Variants in MPP7 observed in about 807,000 individuals in gnomAD.
The protein encoded by MPP7 is MAGUK p55 scaffold protein 7.
In MPP7, 60 loss-of-function variants were observed where a neutral mutation model predicts 76.5. That is an observed-to-expected ratio of 0.78 (90% confidence interval 0.64 to 0.97). MPP7 has a LOEUF of 0.97. MPP7 is among the 50% of genes least tolerant of loss of function. The probability of loss-of-function intolerance (pLI) is 0.00; values close to 1 mark genes in which losing one functional copy is unlikely to be tolerated. For synonymous variants in MPP7, 237 were observed against 244.5 expected, an observed-to-expected ratio of 0.97 and a Z score of 0.29; for missense variants, 641 against 694.0, an observed-to-expected ratio of 0.92 and a Z score of 0.86.
intron 13 of MPP7, among the ~76,000 whole-genome samples, chr10:28,064,332 A>G (rs891569953): frequency 1.3e-5 from 2 of 152,228 alleles, no homozygotes; most frequent in Non-Finnish European, 2.9e-5. Context: ...TGCTGAGTGG[A>G]AAAAGTCTGG....
chr10:28,329,597 C>T (rs1834452955), intron 2 of MPP7, among the ~76,000 whole-genome samples: 1 of 139,764 alleles, frequency 7.2e-6, no homozygotes, highest in South Asian at 2.4e-4. Flanking sequence ...CGCCACTGCA[C>T]TCCAGCCTGG....
At chr10:28,296,793 G>A (rs749573979) in intron 1 of MPP7, among the ~76,000 whole-genome samples, 102 of 152,134 alleles carry the variant, frequency 6.7e-4, no homozygotes, top group Non-Finnish European at 1.2e-3. Context: ...GGGTTTTTTT[G>A]TTTTTGTTTT....
chr10:28,158,399 T>C (rs1303858515), intron 3 of MPP7, among the ~76,000 whole-genome samples: 1 of 152,058 alleles, frequency 6.6e-6, no homozygotes, highest in Non-Finnish European at 1.5e-5. Context: ...GGAAATTGTC[T>C]TACGGAAATA....
At chr10:28,232,312 C>CCA (rs1235508819) in intron 2 of MPP7, among the ~76,000 whole-genome samples, 3 of 151,958 alleles carry the variant, frequency 2.0e-5, no homozygotes, top group African/African-American at 7.3e-5. Flanking sequence ...TACAACTGCA[C>CCA]CACTGTACTC....
intron 11 of MPP7, among the ~76,000 whole-genome samples, chr10:28,102,209 T>C (rs1564631244): frequency 6.6e-6 from 1 of 152,154 alleles, no homozygotes; most frequent in East Asian, 1.9e-4. Context: ...GTGGCATCAT[T>C]GTAGATCACT....
chr10:28,103,983 G>C (rs568751797), intron 11 of MPP7, among the ~76,000 whole-genome samples: 18 of 152,182 alleles, frequency 1.2e-4, no homozygotes, highest in Admixed American at 1.2e-3. Flanking sequence ...GTTTTTGACT[G>C]ACAAAACAGC....
At chr10:28,272,765 A>G (rs1360469285) in intron 1 of MPP7, among the ~76,000 whole-genome samples, 1 of 152,200 alleles carries the variant, frequency 6.6e-6, no homozygotes, top group African/African-American at 2.4e-5. Flanking sequence ...GGGGAAAAGT[A>G]TATGTGGATA....
At chr10:28,074,080 G>C (rs1457411224) in intron 12 of MPP7, among the ~76,000 whole-genome samples, 1 of 152,100 alleles carries the variant, frequency 6.6e-6, no homozygotes, top group Admixed American at 6.5e-5. Context: ...ATGAGGGCAG[G>C]AGTATTATAT....
At chr10:28,225,894 C>A (rs1339454120) in intron 2 of MPP7, among the ~76,000 whole-genome samples, 1 of 152,152 alleles carries the variant, frequency 6.6e-6, no homozygotes. Flanking sequence ...TTATATTACA[C>A]ATAAGCATCT....
chr10:28,294,561 T>A (rs1840997326), intron 1 of MPP7, among the ~76,000 whole-genome samples: 1 of 152,160 alleles, frequency 6.6e-6, no homozygotes, highest in Non-Finnish European at 1.5e-5. Flanking sequence ...CTAAAAAATG[T>A]TTCTGGAAAA....
chr10:28,162,175 C>T (rs1005104246), intron 3 of MPP7, among the ~76,000 whole-genome samples: 1 of 152,146 alleles, frequency 6.6e-6, no homozygotes, highest in African/African-American at 2.4e-5. Context: ...CACTGTTTTC[C>T]ATCAAATTAA....
intron 11 of MPP7, chr10:28,118,473 G>C: frequency 1.0e-6 from 1 of 985,162 alleles, no homozygotes; most frequent in Non-Finnish European, 1.2e-6. Flanking sequence ...AAATATATTA[G>C]AAATGTGTAA....
intron 12 of MPP7, among the ~76,000 whole-genome samples, chr10:28,074,460 G>T (rs1852392918): frequency 6.6e-6 from 1 of 152,022 alleles, no homozygotes; most frequent in African/African-American, 2.4e-5. Flanking sequence ...ACCATACCTG[G>T]CTAATTTTTG....
intron 1 of MPP7, among the ~76,000 whole-genome samples, chr10:28,289,952 G>A (rs1194782067): frequency 1.3e-5 from 2 of 152,134 alleles, no homozygotes; most frequent in African/African-American, 4.8e-5. Context: ...CCAAGTAGCT[G>A]GGACCATAGG....
At chr10:28,301,279 A>T (rs1841149233) in intron 1 of MPP7, among the ~76,000 whole-genome samples, 1 of 152,190 alleles carries the variant, frequency 6.6e-6, no homozygotes, top group Admixed American at 6.5e-5. Flanking sequence ...ATTCAATTCA[A>T]AAAAAGGTAC....
chr10:28,203,274 C>G (rs1837840167), intron 2 of MPP7: 1 of 152,100 alleles, frequency 6.6e-6, no homozygotes, highest in African/African-American at 2.4e-5. Flanking sequence ...ATCACAGGGA[C>G]AGCTTTACAA....
intron 12 of MPP7, among the ~76,000 whole-genome samples, chr10:28,071,939 G>T (rs190353230): frequency 6.6e-5 from 10 of 152,070 alleles, no homozygotes; most frequent in Non-Finnish European, 1.2e-4. Flanking sequence ...CAAGGCTATC[G>T]AAGTGAAGAA....
intron 1 of MPP7, among the ~76,000 whole-genome samples, chr10:28,272,097 G>A (rs1186759867): frequency 3.9e-5 from 6 of 152,286 alleles, no homozygotes; most frequent in Non-Finnish European, 7.3e-5. Context: ...CTCTGAAAAT[G>A]AGGCAGACTA....
At chr10:28,221,774 G>C (rs551266306) in intron 2 of MPP7, among the ~76,000 whole-genome samples, 1 of 152,284 alleles carries the variant, frequency 6.6e-6, no homozygotes. Context: ...GTTCACTGGA[G>C]CTCCCTGGGC....
Sources: allele counts gnomAD v4.1 joint callset (sites outside exome capture counted in the v4.1 genomes callset), GRCh38; gene constraint gnomAD v4.1.1; transcripts MANE v1.5; gene names NCBI Gene and HGNC (gene_info 2026-07-23, HGNC 2026-07-21).